KCNIP4: variants seen among roughly 807,000 people sequenced by gnomAD.
The protein encoded by KCNIP4 is Kv channel-interacting protein 4.
A neutral mutation model predicts 34.0 loss-of-function variants in KCNIP4; 12 were observed. The observed-to-expected ratio is 0.35, with a 90% CI of 0.23 to 0.57. The LOEUF is 0.57. Among genes scored for constraint, KCNIP4 ranks in the 20% least tolerant of loss-of-function variants. The pLI is 0.83. For synonymous variants in KCNIP4, 124 were observed against 102.2 expected (o/e 1.21, Z -1.29); for missense variants, 238 against 311.7 (o/e 0.76, Z 1.78).
chr4:20,937,018 C>G (rs1172371047), intron 1 of KCNIP4, among the ~76,000 whole-genome samples: 1 of 151,876 alleles, frequency 6.6e-6, no homozygotes, highest in Non-Finnish European at 1.5e-5. Context: ...GGTGTCCGTT[C>G]TACTCTCCAG....
intron 1 of KCNIP4, among the ~76,000 whole-genome samples, chr4:21,319,944 T>G (rs1714195341): frequency 6.6e-6 from 1 of 152,208 alleles, no homozygotes; most frequent in Admixed American, 6.5e-5. Flanking sequence ...AGAAAAGGCA[T>G]TATTTTGTGA....
rs114351551 is a variant in KCNIP4 at position 21,011,156 on chromosome 4, T to C, written c.62-128447A>G. On this transcript the variant is annotated intron_variant, in intron 1 of 8. Coordinates refer to ENST00000382152, the MANE Select transcript of KCNIP4 (RefSeq NM_025221.6). Reference sequence around the variant, plus strand: ...TACAGTCATTAAAAACATATATAAGTAATTGGCTTCTTTGCTTTCTTGTGA... The same window carrying C: ...TACAGTCATTAAAAACATATATAAGCAATTGGCTTCTTTGCTTTCTTGTGA... Among the ~76,000 whole-genome samples, 222 of 152,310 alleles carry C rather than the reference T, an allele frequency of 1.5e-3. 2 individuals carry two copies. Among genetic ancestry groups the C allele is most frequent in the Admixed American group, 4.8e-3 (73 of 15,308 alleles).
intron 2 of KCNIP4, among the ~76,000 whole-genome samples, chr4:20,854,561 A>C (rs186900169): frequency 1.3e-5 from 2 of 152,312 alleles, no homozygotes; most frequent in Non-Finnish European, 2.9e-5. Flanking sequence ...TGATGGGTAC[A>C]TCAAAATCTC....
intron 1 of KCNIP4, among the ~76,000 whole-genome samples, chr4:21,887,729 GTTA>G (rs1726861411): frequency 1.3e-5 from 2 of 150,438 alleles, no homozygotes; most frequent in Non-Finnish European, 3.0e-5. Context: ...AACTAACACA[GTTA>G]TTATTATAGA....
intron 1 of KCNIP4, among the ~76,000 whole-genome samples, chr4:21,308,668 C>T (rs1399097891): frequency 6.6e-6 from 1 of 151,826 alleles, no homozygotes; most frequent in Non-Finnish European, 1.5e-5. Flanking sequence ...GCCCTTTCTG[C>T]ATTAATGTTA....
chr4:20,845,991 T>C (rs1001171478), intron 3 of KCNIP4, among the ~76,000 whole-genome samples: 1 of 152,214 alleles, frequency 6.6e-6, no homozygotes, highest in Admixed American at 6.5e-5. Context: ...ATATTATGAA[T>C]GAATGTTTTC....
chr4:20,791,792 C>T (rs779499518), intron 3 of KCNIP4, among the ~76,000 whole-genome samples: 5 of 152,110 alleles, frequency 3.3e-5, no homozygotes, highest in Non-Finnish European at 7.4e-5. Context: ...GGATTAACAT[C>T]TAAATCTTTG....
At chr4:21,321,529 G>T (rs1214333130) in intron 1 of KCNIP4, among the ~76,000 whole-genome samples, 1 of 151,986 alleles carries the variant, frequency 6.6e-6, no homozygotes, top group South Asian at 2.1e-4. Flanking sequence ...ACAATACGAA[G>T]AAGGCTTTTG....
chr4:21,709,295 G>T (rs540830326), intron 1 of KCNIP4, among the ~76,000 whole-genome samples: 3 of 152,302 alleles, frequency 2.0e-5, no homozygotes, highest in Admixed American at 1.3e-4. Context: ...CTACTTACCA[G>T]GTAGAGGTTG....
chr4:20,960,111 T>C (rs1282495950), intron 1 of KCNIP4, among the ~76,000 whole-genome samples: 2 of 152,192 alleles, frequency 1.3e-5, no homozygotes, highest in Non-Finnish European at 2.9e-5. Context: ...TATTTCTTCC[T>C]TAGTTCTTCA....
rs566937600 is a variant in KCNIP4, at chr4:21,195,403, G to A, written c.62-312694C>T. ...AAAGTTCATGTGACCTAGGTTTGCC[G>A]AATAAAAGACTTAGCAACAATATAG... On this transcript the variant is annotated intron_variant, in intron 1 of 8. Coordinates refer to ENST00000382152, the MANE Select transcript of KCNIP4 (RefSeq NM_025221.6). Among the ~76,000 whole-genome samples, 5 of 152,138 alleles carry A rather than the reference G, an allele frequency of 3.3e-5. No homozygotes were observed. In the East Asian group the frequency reaches 7.7e-4, roughly 23 times the overall value.
intron 1 of KCNIP4, among the ~76,000 whole-genome samples, chr4:21,070,554 C>T (rs1431447085): frequency 1.3e-5 from 2 of 150,642 alleles, no homozygotes; most frequent in African/African-American, 4.9e-5. Flanking sequence ...TGGTGATTAG[C>T]TTTTCATGGG....
chr4:21,691,215 A>G (rs534615259), intron 1 of KCNIP4, among the ~76,000 whole-genome samples: 1 of 152,192 alleles, frequency 6.6e-6, no homozygotes, highest in African/African-American at 2.4e-5. Flanking sequence ...GGGGTCAGAC[A>G]ATGGAAGCAG....
At chr4:20,817,929 A>G (rs1716616149) in intron 3 of KCNIP4, among the ~76,000 whole-genome samples, 1 of 152,152 alleles carries the variant, frequency 6.6e-6, no homozygotes, top group African/African-American at 2.4e-5. Context: ...GGTACCCACA[A>G]TTGTCAGGAT....
chr4:20,918,711 C>T (rs1385592275), intron 1 of KCNIP4, among the ~76,000 whole-genome samples: 3 of 152,324 alleles, frequency 2.0e-5, no homozygotes, highest in Admixed American at 1.3e-4. Flanking sequence ...TCCTCTCCTC[C>T]CTGTGTAATA....
At chr4:21,695,188 GA>G (rs1249604750) in intron 1 of KCNIP4, among the ~76,000 whole-genome samples, 1 of 152,046 alleles carries the variant, frequency 6.6e-6, no homozygotes, top group Non-Finnish European at 1.5e-5. Flanking sequence ...TCTGTAATAT[GA>G]ATGGTGTATA....
At chr4:21,057,992 T>G (rs1173537019) in intron 1 of KCNIP4, among the ~76,000 whole-genome samples, 1 of 152,132 alleles carries the variant, frequency 6.6e-6, no homozygotes. Flanking sequence ...TGATAATACA[T>G]TCATAGACAT....
intron 1 of KCNIP4, among the ~76,000 whole-genome samples, chr4:21,532,734 A>G (rs1736790003): frequency 6.6e-6 from 1 of 152,076 alleles, no homozygotes; most frequent in African/African-American, 2.4e-5. Flanking sequence ...TTAGGTTTTT[A>G]TTATTTTCCC....
At chr4:21,117,112 T>A (rs1215474188) in intron 1 of KCNIP4, among the ~76,000 whole-genome samples, 1 of 152,116 alleles carries the variant, frequency 6.6e-6, no homozygotes, top group Non-Finnish European at 1.5e-5. Flanking sequence ...ACGGGGAAAG[T>A]GAGACTCAGA....
Sources: gnomAD v4.1 joint callset for allele counts (sites outside exome capture counted in the v4.1 genomes callset) on GRCh38, gnomAD v4.1.1 for gene constraint, MANE v1.5 for transcripts, NCBI Gene and HGNC (gene_info 2026-07-23, HGNC 2026-07-21) for gene names.